PLEKHG1: variants seen among roughly 807,000 people sequenced by gnomAD.
PLEKHG1 encodes the protein pleckstrin homology domain-containing family G member 1.
In PLEKHG1, 44 loss-of-function variants were observed where a neutral mutation model predicts 100.8. That is an observed-to-expected ratio of 0.44 (90% CI 0.34 to 0.56). The LOEUF is 0.56. PLEKHG1 is among the 20% of genes least tolerant of loss of function. The pLI is 0.01. For synonymous variants in PLEKHG1, 640 were observed against 662.5 expected (o/e 0.97, Z 0.52); for missense variants, 1,545 against 1,720.9 (o/e 0.90, Z 1.81).
intron 3 of PLEKHG1, among the ~76,000 whole-genome samples, chr6:150,774,759 C>T (rs746534651): frequency 9.2e-5 from 14 of 151,648 alleles, no homozygotes; most frequent in African/African-American, 2.7e-4. Flanking sequence ...AGGCTGGTCA[C>T]GAACTCCTTA....
chr6:150,676,215 G>A (rs552372769), intron 3 of PLEKHG1, among the ~76,000 whole-genome samples: 135 of 152,346 alleles, frequency 8.9e-4, no homozygotes, highest in African/African-American at 3.1e-3. Flanking sequence ...GCAACAATTG[G>A]AGACTTAATT....
At chr6:150,660,123 C>A (rs1041303401) in intron 3 of PLEKHG1, among the ~76,000 whole-genome samples, 1 of 151,000 alleles carries the variant, frequency 6.6e-6, no homozygotes, top group Non-Finnish European at 1.5e-5. Flanking sequence ...TTGGCCAGGC[C>A]GGTCTTGAAC....
chr6:150,783,277 C>T (rs1583121775), intron 3 of PLEKHG1, among the ~76,000 whole-genome samples: 1 of 150,574 alleles, frequency 6.6e-6, no homozygotes, highest in Admixed American at 6.6e-5. Context: ...GGAAAATTAG[C>T]GTATTAGACC....
At chr6:150,694,367 T>C (rs553817701) in intron 3 of PLEKHG1, among the ~76,000 whole-genome samples, 42 of 152,332 alleles carry the variant, frequency 2.8e-4, no homozygotes, top group African/African-American at 1.0e-3. Flanking sequence ...TTAGAATTGT[T>C]GTGAGCTTTC....
intron 3 of PLEKHG1, among the ~76,000 whole-genome samples, chr6:150,771,098 C>T (rs1319178681): frequency 6.6e-6 from 1 of 152,072 alleles, no homozygotes; most frequent in African/African-American, 2.4e-5. Context: ...TAAATCTTTA[C>T]GTGTCTCCTA....
intron 1 of PLEKHG1, among the ~76,000 whole-genome samples, chr6:150,726,598 A>G (rs7755482): frequency 0.2 from 30,936 of 152,112 alleles, 4,622 homozygotes; most frequent in African/African-American, 0.42. Flanking sequence ...TTTAAAACTT[A>G]TTTAACCTTG....
chr6:150,752,552 T>C (rs550086311), intron 2 of PLEKHG1, among the ~76,000 whole-genome samples: 3 of 152,344 alleles, frequency 2.0e-5, no homozygotes, highest in South Asian at 2.1e-4. Flanking sequence ...ATTTGTCCTT[T>C]TGCAGCTGGC....
Position 150,840,462 on chromosome 6 carries a change from C to A in PLEKHG1, c.3724C>A (p.Leu1242Ile), listed in dbSNP as rs780204616. The A allele has an allele frequency of 2.0e-5, 32 of 1,614,174 alleles. 1 individual carries two copies. In the South Asian group the frequency reaches 3.5e-4, roughly 18 times the overall value. Residue 1242 changes from leucine to isoleucine, a missense_variant, in exon 16 of 16, where the codon CTC (leucine) becomes ATC (isoleucine). Physicochemically the swap from Leu to Ile is conservative, Grantham distance 5 (BLOSUM62 2). Coordinates refer to ENST00000358517, the Ensembl canonical transcript of PLEKHG1. Reference sequence around the variant, plus strand: ...CACTGAAAAACTCTCAGATCTCACACTCCAAGACTCACAGAAAGTTGTGGT... The same window carrying A: ...CACTGAAAAACTCTCAGATCTCACAATCCAAGACTCACAGAAAGTTGTGGT...
chr6:150,669,698 A>G (rs1037721858), intron 3 of PLEKHG1, among the ~76,000 whole-genome samples: 1 of 150,802 alleles, frequency 6.6e-6, no homozygotes, highest in Non-Finnish European at 1.5e-5. Flanking sequence ...CCAGGTTCAA[A>G]CGTTTCTCCT....
chr6:150,813,004 G>A (rs187900555), intron 10 of PLEKHG1, among the ~76,000 whole-genome samples: 125 of 152,206 alleles, frequency 8.2e-4, no homozygotes, highest in Middle Eastern at 6.8e-3. Context: ...AAAGTGGAAA[G>A]GATCAGAAGA....
intron 10 of PLEKHG1, among the ~76,000 whole-genome samples, chr6:150,810,090 G>A (rs1338618308): frequency 6.6e-6 from 1 of 151,920 alleles, no homozygotes; most frequent in Non-Finnish European, 1.5e-5. Context: ...GAGCCTAGGA[G>A]TTCGAGACCA....
At chr6:150,795,755 A>G (rs1583147063) in intron 4 of PLEKHG1, 101 bp from the exon 6 acceptor site, 1 of 635,530 alleles carries the variant, frequency 1.6e-6, no homozygotes, top group East Asian at 2.8e-5. Flanking sequence ...ATATATATAT[A>G]TAAATGTCAA....
intron 15 of PLEKHG1, 69 bp from the exon 17 acceptor site, chr6:150,839,764 T>C: frequency 1.0e-6 from 1 of 979,932 alleles, no homozygotes; most frequent in Non-Finnish European, 1.6e-6. Flanking sequence ...AATGTTATTC[T>C]CTTATTTTTA....
intron 2 of PLEKHG1, among the ~76,000 whole-genome samples, chr6:150,757,152 C>G (rs1042601676): frequency 6.6e-6 from 1 of 152,166 alleles, no homozygotes; most frequent in African/African-American, 2.4e-5. Context: ...CGCCCACTAC[C>G]ACGCCGAGCA....
exon 16 of PLEKHG1, chr6:150,842,536 C>T (rs1234493424): frequency 6.6e-6 from 1 of 151,940 alleles, no homozygotes; most frequent in Non-Finnish European, 1.5e-5. Flanking sequence ...AAAAAATAAC[C>T]CAAGTTTCTT....
chr6:150,617,113 G>C (rs181063905), intron 1 of PLEKHG1, among the ~76,000 whole-genome samples: 5 of 152,304 alleles, frequency 3.3e-5, no homozygotes, highest in Admixed American at 3.3e-4. Flanking sequence ...CATATTCCCA[G>C]AGAATTACAG....
At chr6:150,818,926 G>A (rs1050291244) in intron 11 of PLEKHG1, among the ~76,000 whole-genome samples, 1 of 152,072 alleles carries the variant, frequency 6.6e-6, no homozygotes, top group African/African-American at 2.4e-5. Context: ...CTCCAGCCTG[G>A]CACTTGTTAA....
At chr6:150,766,229 G>A (rs1268653031) in intron 2 of PLEKHG1, among the ~76,000 whole-genome samples, 1 of 152,174 alleles carries the variant, frequency 6.6e-6, no homozygotes, top group Non-Finnish European at 1.5e-5. Context: ...ATTGTTTTCA[G>A]TGCAAAAGTT....
upstream of PLEKHG1, among the ~76,000 whole-genome samples, chr6:150,718,333 A>G (rs1035786414): frequency 1.3e-5 from 2 of 152,190 alleles, no homozygotes; most frequent in African/African-American, 4.8e-5. Flanking sequence ...GAGCACTGGA[A>G]CGCAGAACCA....
Sources: gnomAD v4.1 joint callset for allele counts (sites outside exome capture counted in the v4.1 genomes callset) on GRCh38, gnomAD v4.1.1 for gene constraint, MANE v1.5 for transcripts, NCBI Gene and HGNC (gene_info 2026-07-23, HGNC 2026-07-21) for gene names.